The following PTPRN2 variants were observed in gnomAD, a reference collection of about 807,000 sequenced individuals.
PTPRN2 encodes the protein receptor-type tyrosine-protein phosphatase N2.
A neutral mutation model predicts 118.8 loss-of-function variants in PTPRN2; 74 were observed. That is an observed-to-expected ratio of 0.62 (90% CI 0.52 to 0.76). The LOEUF (loss-of-function observed/expected upper bound fraction) is 0.76, where lower values mean the gene tolerates loss of function less well. Ranked by LOEUF, PTPRN2 falls within the 30% of genes least tolerant of loss-of-function variation. The pLI, the probability that PTPRN2 is intolerant of heterozygous loss-of-function variation, is 0.00. For synonymous variants in PTPRN2, 641 were observed against 608.0 expected (o/e 1.05, Z -0.80); for missense variants, 1,481 against 1,394.4 (o/e 1.06, Z -0.99).
chr7:158,521,606 TCCAGGTAGTGGC>T, intron 1 of PTPRN2, among the ~76,000 whole-genome samples: 2 of 126,428 alleles, frequency 1.6e-5, no homozygotes, highest in African/African-American at 3.0e-5. Flanking sequence ...TGGTGGACTG[TCCAGGTAGTGGC>T]TCAGGAGGGA....
chr7:157,739,784 G>A (rs1229185070), intron 12 of PTPRN2, among the ~76,000 whole-genome samples: 1 of 152,238 alleles, frequency 6.6e-6, no homozygotes, highest in African/African-American at 2.4e-5. Context: ...CTCCAAGATG[G>A]ATGTGCTTTG....
At chr7:158,191,936 T>A (rs1377191438) in intron 5 of PTPRN2, among the ~76,000 whole-genome samples, 2 of 152,162 alleles carry the variant, frequency 1.3e-5, no homozygotes, top group Admixed American at 6.5e-5. Flanking sequence ...GCCATGTTCA[T>A]GGCCCCTCAG....
intron 12 of PTPRN2, among the ~76,000 whole-genome samples, chr7:157,704,158 C>T (rs1798214179): frequency 6.6e-6 from 1 of 152,216 alleles, no homozygotes; most frequent in African/African-American, 2.4e-5. Flanking sequence ...CTGCCACTAA[C>T]TGTGTGACTG....
chr7:158,581,703 G>A (rs993917491), intron 1 of PTPRN2, among the ~76,000 whole-genome samples: 1 of 152,082 alleles, frequency 6.6e-6, no homozygotes, highest in Non-Finnish European at 1.5e-5. Context: ...CTATTAGAGG[G>A]AACAGACAAA....
In PTPRN2 at chr7:158,341,853, A is replaced by G. The variant is rs1474597599; in HGVS notation, c.164-24921T>C. Among the ~76,000 whole-genome samples the G allele has an allele frequency of 2.1e-3, 15 of 7,004 alleles. 2 individuals are homozygous for G. Among genetic ancestry groups the G allele is most frequent in the Non-Finnish European group, 4.5e-3 (14 of 3,092 alleles). 4.6% of individuals were successfully genotyped at this position (7,004 alleles called of 152,430 possible). A position where few individuals can be genotyped will look rare whatever the true frequency, so the allele number is the denominator to read the frequency against. On this transcript the variant is annotated intron_variant, in intron 2 of 22. Transcript: ENST00000389418. Reference sequence around the variant, plus strand: ...CGTCACTCACACCCACACTCTCACCATAAGAGTGTGCCCCGCAGGCGTCAC... The same window carrying G: ...CGTCACTCACACCCACACTCTCACCGTAAGAGTGTGCCCCGCAGGCGTCAC...
chr7:158,170,138 A>AAGAGCG (rs1480597960), intron 5 of PTPRN2, among the ~76,000 whole-genome samples: 1 of 152,216 alleles, frequency 6.6e-6, no homozygotes, highest in East Asian at 1.9e-4. Context: ...GAGCGTGAGA[A>AAGAGCG]AGAGCGAGAG....
chr7:158,463,277 C>G (rs1819132187), intron 2 of PTPRN2, among the ~76,000 whole-genome samples: 1 of 152,144 alleles, frequency 6.6e-6, no homozygotes, highest in South Asian at 2.1e-4. Flanking sequence ...ATTTCTGTCC[C>G]CCACCCCAAA....
intron 11 of PTPRN2, among the ~76,000 whole-genome samples, chr7:158,069,292 C>G (rs1408843170): frequency 6.6e-6 from 1 of 152,210 alleles, no homozygotes; most frequent in Non-Finnish European, 1.5e-5. Context: ...CAGCCTGGAA[C>G]TCCTGGGCTC....
chr7:158,511,715 G>A (rs146836824), intron 1 of PTPRN2, among the ~76,000 whole-genome samples: 3 of 152,334 alleles, frequency 2.0e-5, no homozygotes, highest in East Asian at 1.9e-4. Flanking sequence ...TGCAAGACAC[G>A]GTGGGAGGCA....
intron 3 of PTPRN2, among the ~76,000 whole-genome samples, chr7:158,226,009 C>A (rs913434761): frequency 6.6e-6 from 1 of 151,944 alleles, no homozygotes. Context: ...AGCTCTGCAT[C>A]GGACAGAAAT....
In PTPRN2 at chr7:158,494,890, G is replaced by A. The variant is rs147454917; in HGVS notation, c.113-5105C>T. On this transcript the variant is annotated intron_variant, in intron 1 of 22. Coordinates refer to ENST00000389418, the MANE Select transcript of PTPRN2 (RefSeq NM_002847.5). ...GATTTCCTCATCTAAAAAATATAAC[G>A]AAGCAGAGTGAAGTAATCTATACCC... Among the ~76,000 whole-genome samples, 262 of 152,228 alleles carry A rather than the reference G, an allele frequency of 1.7e-3. 7 individuals are homozygous for A. The East Asian group carries it at 0.034, about 20-fold the overall frequency.
intron 22 of PTPRN2, among the ~76,000 whole-genome samples, chr7:157,546,085 G>C (rs575549489): frequency 1.3e-5 from 2 of 152,294 alleles, no homozygotes; most frequent in South Asian, 4.1e-4. Flanking sequence ...GAATTTATGT[G>C]CATGCTCCAA....
chr7:157,866,713 G>A (rs1397692102), intron 12 of PTPRN2, among the ~76,000 whole-genome samples: 1 of 151,992 alleles, frequency 6.6e-6, no homozygotes, highest in Non-Finnish European at 1.5e-5. Flanking sequence ...ACACACCCTG[G>A]GGTCTCCTCA....
chr7:157,834,637 G>A (rs913445328), intron 12 of PTPRN2, among the ~76,000 whole-genome samples: 2 of 152,274 alleles, frequency 1.3e-5, no homozygotes, highest in African/African-American at 2.4e-5. Flanking sequence ...GCGAGCGGGC[G>A]GCTCCAGACA....
At chr7:158,352,054 CCCCTCCT>C in intron 2 of PTPRN2, among the ~76,000 whole-genome samples, 1 of 130,654 alleles carries the variant, frequency 7.7e-6, no homozygotes, top group African/African-American at 2.8e-5. Context: ...CCTGACCGCT[CCCCTCCT>C]GTCCGCTCCC....
intron 6 of PTPRN2, among the ~76,000 whole-genome samples, chr7:158,157,444 G>A (rs1015212682): frequency 1.3e-5 from 2 of 152,236 alleles, no homozygotes; most frequent in Admixed American, 6.5e-5. Flanking sequence ...GCCAAACACC[G>A]GGGAAGAGAT....
rs149922896 is a variant in PTPRN2, at chr7:158,411,308, T to C, written c.163+78427A>G. On this transcript the variant is annotated intron_variant, in intron 2 of 22. Coordinates refer to ENST00000389418, the MANE Select transcript of PTPRN2 (RefSeq NM_002847.5). Reference sequence around the variant, plus strand: ...GTGCAGCCACAGCTTTCCGGCCACCTTGAAATGAGGTGACATCTCCAGTCG... The same window carrying C: ...GTGCAGCCACAGCTTTCCGGCCACCCTGAAATGAGGTGACATCTCCAGTCG... Among the ~76,000 whole-genome samples, 749 of 152,222 alleles carry C rather than the reference T, an allele frequency of 4.9e-3. 6 individuals carry two copies. Among genetic ancestry groups the C allele is most frequent in the African/African-American group, 0.016 (648 of 41,542 alleles).
intron 11 of PTPRN2, among the ~76,000 whole-genome samples, chr7:157,922,094 G>A (rs1798722106): frequency 6.6e-6 from 1 of 152,218 alleles, no homozygotes. Context: ...AAGTGCAGAT[G>A]TCCCTGGTTA....
intron 11 of PTPRN2, among the ~76,000 whole-genome samples, chr7:158,071,751 G>A (rs1312453945): frequency 5.9e-5 from 8 of 134,932 alleles, no homozygotes; most frequent in African/African-American, 2.4e-4. Flanking sequence ...GGTGCTCATG[G>A]TGGAGGTGCT....
Sources: gnomAD v4.1 joint callset for allele counts (sites outside exome capture counted in the v4.1 genomes callset) on GRCh38, gnomAD v4.1.1 for gene constraint, MANE v1.5 for transcripts, NCBI Gene and HGNC (gene_info 2026-07-23, HGNC 2026-07-21) for gene names.